Variants in DGKE observed in about 807,000 individuals in gnomAD.
The protein encoded by DGKE is DAG kinase epsilon.
A neutral mutation model predicts 70.0 loss-of-function variants in DGKE; 53 were observed. The observed-to-expected ratio is 0.76, with a 90% confidence interval of 0.61 to 0.95. DGKE has a LOEUF of 0.95. DGKE is among the 40% of genes least tolerant of loss of function. The probability of loss-of-function intolerance (pLI) is 0.00; values close to 1 mark genes in which losing one functional copy is unlikely to be tolerated. For synonymous variants in DGKE, 291 were observed against 257.0 expected, an observed-to-expected ratio of 1.13 and a Z score of -1.27; for missense variants, 655 against 706.9, an observed-to-expected ratio of 0.93 and a Z score of 0.83.
At chr17:56,838,242 A>T (rs1906751586) in intron 2 of DGKE, among the ~76,000 whole-genome samples, 1 of 152,216 alleles carries the variant, frequency 6.6e-6, no homozygotes, top group African/African-American at 2.4e-5. Flanking sequence ...CCTCAGTGTA[A>T]CTAGTCTCAG....
intron 3 of DGKE, among the ~76,000 whole-genome samples, chr17:56,845,035 A>G (rs1014697183): frequency 3.3e-5 from 5 of 152,282 alleles, no homozygotes; most frequent in South Asian, 2.1e-4. Flanking sequence ...TAAATGTACA[A>G]TCTCTTATTT....
chr17:56,845,600 A>C, intron 3 of DGKE, 90 bp from the exon 4 acceptor site: 1 of 1,342,658 alleles, frequency 7.4e-7, no homozygotes, highest in Non-Finnish European at 9.9e-7. Flanking sequence ...TTATTTCAGC[A>C]AATTATAGCA....
At chr17:56,854,478 T>G (rs183498669) in intron 7 of DGKE, among the ~76,000 whole-genome samples, 2 of 151,942 alleles carry the variant, frequency 1.3e-5, no homozygotes, top group African/African-American at 4.8e-5. Flanking sequence ...CCAGCCAATT[T>G]TATTTTTATT....
At chr17:56,843,139 A>G (rs1406808464) in intron 2 of DGKE, among the ~76,000 whole-genome samples, 2 of 152,220 alleles carry the variant, frequency 1.3e-5, no homozygotes, top group Non-Finnish European at 2.9e-5. Flanking sequence ...CCAAAGCACA[A>G]ATATATATAA....
In DGKE at chr17:56,849,822, A is replaced by T. The variant is rs144244055; in HGVS notation, c.1098+590A>T. On this transcript the variant is annotated intron_variant, in intron 7 of 11. Coordinates refer to ENST00000284061, the MANE Select transcript of DGKE (RefSeq NM_003647.3). ...TTTGGGTAGGAAGAAAATGAGATAG[A>T]TATTGGGCATATCAATCTAAAAGTT... is the stretch of plus-strand genomic sequence containing the variant. 1.7e-4 allele frequency among the ~76,000 whole-genome samples: 26 copies of T among 152,360 alleles called. 1 individual carries two copies. In the East Asian group the frequency reaches 4.8e-3, roughly 28 times the overall value.
chr17:56,845,746 T>C lies in DGKE; in HGVS notation c.681T>C (p.Arg227=). The part of the protein sequence containing the change: ...WTPLIILANS[R]SGTNMGEGLL... ...CATTAATAATCCTGGCCAACTCTCG[T>C]AGTGGAACTAATATGGGAGAAGGAC... Residue 227 remains arginine, a synonymous_variant, in exon 4 of 12, where the codon CGT becomes CGC. Coordinates refer to ENST00000284061, the MANE Select transcript of DGKE (RefSeq NM_003647.3). 1.9e-6 allele frequency: 3 copies of C among 1,612,954 alleles called. No homozygotes were observed. Among genetic ancestry groups the C allele is most frequent in the Non-Finnish European group, 2.5e-6 (3 of 1,179,330 alleles).
intron 8 of DGKE, among the ~76,000 whole-genome samples, chr17:56,858,118 A>G (rs183499927): frequency 1.3e-3 from 201 of 151,758 alleles, no homozygotes; most frequent in African/African-American, 4.7e-3. Context: ...TCTATCCCAC[A>G]TTTCCCCTGA....
chr17:56,849,191 C>A lies in DGKE; in HGVS notation c.1057C>A (p.Gln353Lys), dbSNP rs750512560. ...DGIKLDRWKV[Q>K]VTNKGYYNLR... ...ACTTCTGTTTTTTAGATGGAAAGTT[C>A]AAGTAACAAATAAAGGATACTACAA... Residue 353 changes from glutamine (Q) to lysine (K), a missense_variant, in exon 7 of 12, where the codon CAA becomes AAA. Coordinates refer to ENST00000284061, the MANE Select transcript of DGKE (RefSeq NM_003647.3). The A allele has an allele frequency of 8.7e-6, 14 of 1,610,490 alleles. No individual in the cohort carries two copies. Among genetic ancestry groups the A allele is most frequent in the South Asian group, 1.1e-5 (1 of 90,228 alleles).
chr17:56,847,820 A>C, intron 4 of DGKE, 102 bp from the exon 5 acceptor site: 1 of 763,600 alleles, frequency 1.3e-6, no homozygotes, highest in Non-Finnish European at 1.9e-6. Context: ...AGTAGCCAGT[A>C]ATGTTATTTA....
At position 56,862,169 on chromosome 17, in the gene DGKE, G is replaced by C. The variant is rs771271385; in HGVS notation, c.1442G>C (p.Gly481Ala). The C allele has an allele frequency of 8.7e-6, 14 of 1,614,008 alleles. No homozygotes were observed. In the South Asian group the frequency reaches 1.4e-4, roughly 16 times the overall value. ...RHDDGLLEVV[G>A]VYGSFHCAQI... ...GACGATGGTCTGCTGGAAGTCGTTG[G>C]AGTATATGGGTCTTTCCACTGTGCT... Residue 481 changes from glycine to alanine, a missense_variant, in exon 11 of 12, where the codon GGA becomes GCA. Gly to Ala is a moderately conservative substitution (Grantham distance 60). Coordinates refer to ENST00000284061, the MANE Select transcript of DGKE (RefSeq NM_003647.3).
chr17:56,868,503 C>A lies in DGKE; in HGVS notation c.*5712C>A, dbSNP rs1265999646. ...ACTTGCTCAGCCAGCTGGCCTCTTG[C>A]ACTTTCCCCTGCCCACCACTTGTAA... On this transcript the variant is annotated 3_prime_UTR_variant, in exon 12 of 12. Transcript: ENST00000284061. The A allele has an allele frequency of 6.6e-6, 1 of 152,282 alleles. No individual in the cohort carries two copies. The highest frequency in any genetic ancestry group is 1.5e-5 in the Non-Finnish European group (1 of 68,088). The allele number at this position is 152,282 out of a possible 1,614,324, so 9.4% of individuals were successfully genotyped here.
At chr17:56,844,971 G>C (rs761305760) in intron 3 of DGKE, among the ~76,000 whole-genome samples, 1 of 152,032 alleles carries the variant, frequency 6.6e-6, no homozygotes, top group African/African-American at 2.4e-5. Context: ...CAATATTCCT[G>C]CAAGGGAAGG....
intron 2 of DGKE, among the ~76,000 whole-genome samples, chr17:56,841,348 A>T (rs1170037269): frequency 6.6e-6 from 1 of 152,172 alleles, no homozygotes; most frequent in Non-Finnish European, 1.5e-5. Flanking sequence ...ACTTAAGTAG[A>T]TTAAAAAGAC....
rs1360996867 is a variant in DGKE at position 56,846,603 on chromosome 17, A to G, written c.744+794A>G. On this transcript the variant is annotated intron_variant, in intron 4 of 11. Coordinates refer to ENST00000284061, the MANE Select transcript of DGKE (RefSeq NM_003647.3). ...AAATAAAAGGGATCGTTAAAATTGAATATAATTTTACTTTGAAAAATTAAC... is the reference window on the plus strand; with the variant it reads ...AAATAAAAGGGATCGTTAAAATTGAGTATAATTTTACTTTGAAAAATTAAC... 8.5e-5 allele frequency among the ~76,000 whole-genome samples: 13 copies of G among 152,066 alleles called. 1 individual carries two copies.
At position 56,835,248 on chromosome 17, in the gene DGKE, T is replaced by C. The variant is rs1482294254; in HGVS notation, c.453T>C (p.Leu151=). The C allele has an allele frequency of 1.2e-6, 2 of 1,610,172 alleles. No individual in the cohort carries two copies. Among genetic ancestry groups the C allele is most frequent in the Admixed American group, 1.7e-5 (1 of 59,712 alleles). The change falls in exon 2 of 12, where the codon CTT becomes CTC. Residue 151 remains leucine (L), a synonymous_variant. Coordinates refer to ENST00000284061, the MANE Select transcript of DGKE (RefSeq NM_003647.3). The part of the protein sequence containing the change: ...CKQQCGCQPK[L]CDYRCIWCQK... ...AGCAGTGTGGCTGTCAACCCAAGCT[T>C]TGCGATTACAGGTATGGTCTTCGTG...
intron 11 of DGKE, 60 bp downstream of exon 11, chr17:56,862,311 AT>A: frequency 6.9e-7 from 1 of 1,447,510 alleles, no homozygotes; most frequent in Non-Finnish European, 9.7e-7. Context: ...AGCTGTTGAT[AT>A]GTAAAATATA....
intron 9 of DGKE, among the ~76,000 whole-genome samples, chr17:56,859,260 G>A (rs1908138627): frequency 6.6e-6 from 1 of 151,494 alleles, no homozygotes. Context: ...GGGAGGCGGA[G>A]CTTGCAGTGA....
chr17:56,845,625 G>T, intron 3 of DGKE, 65 bp from the exon 4 acceptor site: 1 of 1,507,128 alleles, frequency 6.6e-7, no homozygotes, highest in Non-Finnish European at 8.9e-7. Flanking sequence ...TGTTCTCAAG[G>T]CATGGAAAAT....
At chr17:56,841,837 A>G (rs1906998932) in intron 2 of DGKE, among the ~76,000 whole-genome samples, 2 of 152,146 alleles carry the variant, frequency 1.3e-5, no homozygotes, top group African/African-American at 4.8e-5. Flanking sequence ...TTGTTTTTTG[A>G]GATGAAATCT....
Sources: allele counts gnomAD v4.1 joint callset (sites outside exome capture counted in the v4.1 genomes callset), GRCh38; gene constraint gnomAD v4.1.1; transcripts MANE v1.5; gene names NCBI Gene and HGNC (gene_info 2026-07-23, HGNC 2026-07-21).